ANK1: variants seen among roughly 807,000 people sequenced by gnomAD.
The protein encoded by ANK1 is ankyrin-1.
A neutral mutation model predicts 210.4 loss-of-function variants in ANK1; 51 were observed. That is an observed-to-expected ratio of 0.24 (90% CI 0.19 to 0.31). The LOEUF (loss-of-function observed/expected upper bound fraction) is 0.31, where lower values mean the gene tolerates loss of function less well. Ranked by LOEUF, ANK1 falls within the 10% of genes least tolerant of loss-of-function variation. The pLI is 1.00. For synonymous variants in ANK1, 967 were observed against 1,025.9 expected (o/e 0.94, Z 1.10); for missense variants, 2,051 against 2,504.4 (o/e 0.82, Z 3.86).
intron 2 of ANK1, among the ~76,000 whole-genome samples, chr8:41,746,308 G>A (rs1316590307): frequency 6.6e-6 from 1 of 152,154 alleles, no homozygotes. Flanking sequence ...AGCAACTGCC[G>A]TAACCCTAGT....
intron 1 of ANK1, among the ~76,000 whole-genome samples, chr8:41,888,081 C>T (rs1399816579): frequency 6.6e-6 from 1 of 152,230 alleles, no homozygotes; most frequent in East Asian, 1.9e-4. Context: ...AGCTGACTGC[C>T]AGCTCCTCCC....
chr8:41,870,680 A>G (rs1157837447), intron 1 of ANK1, among the ~76,000 whole-genome samples: 1 of 152,248 alleles, frequency 6.6e-6, no homozygotes, highest in East Asian at 1.9e-4. Flanking sequence ...AATAAATGTT[A>G]GCCCACTCAA....
At chr8:41,837,359 T>G (rs1182786681) in intron 1 of ANK1, among the ~76,000 whole-genome samples, 1 of 152,188 alleles carries the variant, frequency 6.6e-6, no homozygotes, top group African/African-American at 2.4e-5. Flanking sequence ...AAAGATGGTG[T>G]GTTTTTTATT....
intron 1 of ANK1, among the ~76,000 whole-genome samples, chr8:41,876,085 G>T (rs571734762): frequency 5.9e-5 from 9 of 152,072 alleles, no homozygotes; most frequent in African/African-American, 1.9e-4. Flanking sequence ...CTCGCCTCAC[G>T]CCTCCTGCCC....
chr8:41,700,756 T>C (rs1459975847), intron 22 of ANK1, among the ~76,000 whole-genome samples: 3 of 152,158 alleles, frequency 2.0e-5, no homozygotes, highest in African/African-American at 7.2e-5. Context: ...GCTGATACTA[T>C]AGTAATTTCT....
At chr8:41,758,224 C>A in intron 1 of ANK1, 87 bp from the exon 2 acceptor site, 3 of 1,197,742 alleles carry the variant, frequency 2.5e-6, no homozygotes, top group Non-Finnish European at 2.5e-6. Flanking sequence ...CCGCAGCAGC[C>A]CCTGCATCCT....
At position 41,715,135 on chromosome 8, in the gene ANK1, G is replaced by A. The variant is rs1407103317; in HGVS notation, c.1603-61C>T. On this transcript the variant is annotated intron_variant, in intron 14 of 42. Transcript: ENST00000289734. ...CAGGGCTGTCCTCCCTGGAGAAAGG[G>A]CCCACAGCAAAGGAGGCTGCACCTC... 4 of 1,472,854 alleles carry A rather than the reference G, an allele frequency of 2.7e-6. No individual in the cohort carries two copies. The African/African-American group carries it at 5.6e-5, about 20-fold the overall frequency. 91.2% of individuals were successfully genotyped at this position (1,472,854 alleles called of 1,614,324 possible).
chr8:41,850,679 A>C (rs1811073064), intron 1 of ANK1, among the ~76,000 whole-genome samples: 1 of 152,176 alleles, frequency 6.6e-6, no homozygotes, highest in Non-Finnish European at 1.5e-5. Flanking sequence ...TGGGAATCTC[A>C]CTATGTTGCC....
At chr8:41,730,719 T>C (rs1402028121) in intron 3 of ANK1, among the ~76,000 whole-genome samples, 1 of 152,220 alleles carries the variant, frequency 6.6e-6, no homozygotes, top group Non-Finnish European at 1.5e-5. Flanking sequence ...GCAGCACTGC[T>C]GGCACCAGAA....
intron 1 of ANK1, among the ~76,000 whole-genome samples, chr8:41,843,530 A>G (rs1349269372): frequency 6.6e-6 from 1 of 151,972 alleles, no homozygotes; most frequent in Non-Finnish European, 1.5e-5. Context: ...CACATGGTCC[A>G]TGGTGCAGAC....
chr8:41,692,545 C>A, intron 31 of ANK1, 103 bp downstream of exon 31: 8 of 1,176,992 alleles, frequency 6.8e-6, no homozygotes, highest in South Asian at 1.3e-5. Context: ...TGGAGCCCCT[C>A]GTCTACAGAG....
chr8:41,758,147 A>G lies in ANK1; in HGVS notation c.28-10T>C, dbSNP rs1166290002. On this transcript the variant is annotated splice_polypyrimidine_tract_variant and intron_variant, in intron 1 of 42. Coordinates refer to ENST00000289734, the MANE Select transcript of ANK1 (RefSeq NM_000037.4). Reference sequence around the variant, plus strand: ...TGGTAGCAGCATCGGCCTGTGAGGAAAAACAACAGGCGGTGAGTGTCCTGG... The same window carrying G: ...TGGTAGCAGCATCGGCCTGTGAGGAGAAACAACAGGCGGTGAGTGTCCTGG... The G allele has an allele frequency of 2.5e-6, 4 of 1,611,946 alleles. No individual in the cohort carries two copies. The highest frequency in any genetic ancestry group is 1.7e-5 in the Admixed American group (1 of 59,992).
intron 1 of ANK1, among the ~76,000 whole-genome samples, chr8:41,848,436 G>A (rs1029015863): frequency 1.3e-5 from 2 of 152,182 alleles, no homozygotes; most frequent in Admixed American, 6.5e-5. Context: ...AGTCACTCAC[G>A]CCTGCGTGCA....
chr8:41,661,148 T>G (rs941380791), intron 42 of ANK1: 1 of 451,516 alleles, frequency 2.2e-6, no homozygotes, highest in Non-Finnish European at 4.1e-6. Context: ...AATGCTGGGA[T>G]TACAGACATG....
At chr8:41,784,074 G>C (rs1845880318) in intron 1 of ANK1, among the ~76,000 whole-genome samples, 3 of 139,088 alleles carry the variant, frequency 2.2e-5, no homozygotes, top group Admixed American at 1.5e-4. Context: ...AAAAAAAAAA[G>C]CTGTGAGCAT....
Position 41,715,700 on chromosome 8 carries a change from T to C in ANK1, c.1554A>G (p.Thr518=), listed in dbSNP as rs1194643539. Reference sequence around the variant, plus strand: ...CTTCCTTTTCCAGAAGGGCCAGGACTGTTTCCACATGGCCCTCACGGGCTG... The same window carrying C: ...CTTCCTTTTCCAGAAGGGCCAGGACCGTTTCCACATGGCCCTCACGGGCTG... ...HIAAREGHVE[T]VLALLEKEAS... Residue 518 remains threonine (T), a synonymous_variant, in exon 14 of 43, where the codon ACA becomes ACG. Coordinates refer to ENST00000289734, the MANE Select transcript of ANK1 (RefSeq NM_000037.4). 6 of 1,613,902 alleles carry C rather than the reference T, an allele frequency of 3.7e-6. No homozygotes were observed. In the Admixed American group the frequency reaches 6.7e-5, roughly 18 times the overall value.
At chr8:41,659,019 C>A (rs1458705608) in intron 42 of ANK1, among the ~76,000 whole-genome samples, 1 of 152,222 alleles carries the variant, frequency 6.6e-6, no homozygotes, top group Non-Finnish European at 1.5e-5. Flanking sequence ...AGCCTCTGGC[C>A]ACAATATTTT....
chr8:41,700,398 A>G, intron 22 of ANK1: 1 of 1,608,438 alleles, frequency 6.2e-7, no homozygotes, highest in Non-Finnish European at 8.5e-7. Context: ...CTCTAGTGAG[A>G]AAAGACCACA....
At chr8:41,812,954 C>T (rs578248310) in intron 1 of ANK1, among the ~76,000 whole-genome samples, 10 of 152,218 alleles carry the variant, frequency 6.6e-5, no homozygotes, top group African/African-American at 2.4e-4. Context: ...CTAACAGGCC[C>T]CGGACAGGCT....
Sources: allele counts gnomAD v4.1 joint callset (sites outside exome capture counted in the v4.1 genomes callset), GRCh38; gene constraint gnomAD v4.1.1; transcripts MANE v1.5; gene names NCBI Gene and HGNC (gene_info 2026-07-23, HGNC 2026-07-21).